The following FAT3 variants were observed in gnomAD, a reference collection of about 807,000 sequenced individuals.
FAT3 encodes the protein protocadherin Fat 3.
A neutral mutation model predicts 310.2 loss-of-function variants in FAT3; 95 were observed. That is an observed-to-expected ratio of 0.31 (90% CI 0.26 to 0.36). The LOEUF is 0.36. Ranked by LOEUF, FAT3 falls within the 10% of genes least tolerant of loss-of-function variation. FAT3 has a pLI of 1.00. For synonymous variants in FAT3, 2,314 were observed against 2,192.9 expected (o/e 1.06, Z -1.54); for missense variants, 5,408 against 5,715.6 (o/e 0.95, Z 1.74).
intron 1 of FAT3, among the ~76,000 whole-genome samples, chr11:92,346,735 C>G (rs1948432195): frequency 6.6e-6 from 1 of 152,054 alleles, no homozygotes; most frequent in South Asian, 2.1e-4. Flanking sequence ...CAATATTAGC[C>G]CCAAAGTCAC....
chr11:92,793,675 C>T (rs1332410082), intron 9 of FAT3, among the ~76,000 whole-genome samples: 3 of 152,124 alleles, frequency 2.0e-5, no homozygotes, highest in African/African-American at 7.2e-5. Context: ...CTAAAAATGA[C>T]AAATATCCTT....
At chr11:92,505,979 C>T (rs1953087595) in intron 2 of FAT3, among the ~76,000 whole-genome samples, 1 of 152,016 alleles carries the variant, frequency 6.6e-6, no homozygotes, top group South Asian at 2.1e-4. Context: ...CTATAAACAC[C>T]ATAATTAAGG....
At chr11:92,420,110 A>C (rs1046086245) in intron 2 of FAT3, among the ~76,000 whole-genome samples, 4 of 152,168 alleles carry the variant, frequency 2.6e-5, no homozygotes, top group Admixed American at 2.0e-4. Flanking sequence ...GTTTTAACGG[A>C]ACACAGGTTT....
chr11:92,519,110 G>A (rs1335136073), intron 2 of FAT3, among the ~76,000 whole-genome samples: 1 of 152,072 alleles, frequency 6.6e-6, no homozygotes, highest in Non-Finnish European at 1.5e-5. Context: ...TGTGAAAAGA[G>A]CAAAGTTGGA....
chr11:92,268,070 CT>C lies in FAT3; in HGVS notation c.-18+42897del, dbSNP rs543774427. The stretch of plus-strand genomic sequence containing the variant: ...AGTCCTTCAAAAAAAAAAAAAAAAC[CT>C]AATCAGTTCAGAGAAGGAAAAGGAG... On this transcript the variant is annotated intron_variant, in intron 1 of 27. Coordinates refer to ENST00000525166, the MANE Select transcript of FAT3 (RefSeq NM_001367949.2). Among the ~76,000 whole-genome samples, 253 of 151,186 alleles carry C rather than the reference CT, an allele frequency of 1.7e-3. 1 individual carries two copies. The highest frequency in any genetic ancestry group is 6.0e-3 in the African/African-American group (247 of 41,166).
intron 7 of FAT3, among the ~76,000 whole-genome samples, chr11:92,782,220 A>C (rs183013633): frequency 1.7e-3 from 252 of 152,246 alleles, no homozygotes; most frequent in African/African-American, 5.7e-3. Context: ...CAGCTACTCA[A>C]GTGGCTGAGG....
At chr11:92,385,660 G>A (rs746833877) in intron 2 of FAT3, among the ~76,000 whole-genome samples, 15 of 152,024 alleles carry the variant, frequency 9.9e-5, no homozygotes, top group Non-Finnish European at 1.9e-4. Context: ...CAGCCACTGC[G>A]CTTGGCTACC....
intron 3 of FAT3, among the ~76,000 whole-genome samples, chr11:92,535,240 A>G (rs1028272134): frequency 6.6e-6 from 1 of 152,116 alleles, no homozygotes; most frequent in Non-Finnish European, 1.5e-5. Flanking sequence ...CTGGAGTTAG[A>G]AGCAGAGATT....
chr11:92,391,691 GAGT>G (rs1321827158), intron 2 of FAT3, among the ~76,000 whole-genome samples: 2 of 152,174 alleles, frequency 1.3e-5, no homozygotes, highest in African/African-American at 4.8e-5. Context: ...GACAAATGTG[GAGT>G]ATGCAAATGT....
intron 5 of FAT3, among the ~76,000 whole-genome samples, chr11:92,762,858 G>T (rs187098841): frequency 2.6e-5 from 4 of 152,096 alleles, no homozygotes; most frequent in African/African-American, 9.6e-5. Context: ...CGAGCAATGA[G>T]CATGGTCCAG....
chr11:92,314,291 A>G, intron 1 of FAT3: 1 of 983,320 alleles, frequency 1.0e-6, no homozygotes, highest in Non-Finnish European at 1.2e-6. Flanking sequence ...TCAGATGAGA[A>G]CATGGAGATG....
At chr11:92,566,890 G>A (rs1955473979) in intron 3 of FAT3, among the ~76,000 whole-genome samples, 1 of 152,156 alleles carries the variant, frequency 6.6e-6, no homozygotes, top group East Asian at 1.9e-4. Context: ...ATCAATTCAA[G>A]ATGGATTAAA....
At chr11:92,385,228 G>T (rs780172316) in intron 2 of FAT3, among the ~76,000 whole-genome samples, 8 of 152,022 alleles carry the variant, frequency 5.3e-5, no homozygotes, top group Non-Finnish European at 7.4e-5. Flanking sequence ...TTTAAATTAC[G>T]GTACATCTTT....
At chr11:92,574,908 T>G (rs1674081) in intron 3 of FAT3, among the ~76,000 whole-genome samples, 112,763 of 151,988 alleles carry the variant, frequency 0.74, 44,094 homozygotes, top group Non-Finnish European at 0.88. Flanking sequence ...AACTGAGGCT[T>G]CCAGTGTTTC....
intron 1 of FAT3, chr11:92,336,401 G>A (rs1948083442): frequency 2.9e-6 from 1 of 341,306 alleles, no homozygotes; most frequent in Non-Finnish European, 5.7e-6. Flanking sequence ...TCCTGGAGAA[G>A]CTGGATTCCC....
chr11:92,766,431 C>A (rs114773038), intron 6 of FAT3, among the ~76,000 whole-genome samples: 1,709 of 152,286 alleles, frequency 0.011, 29 homozygotes, highest in African/African-American at 0.039. Flanking sequence ...CTCTCCCCCC[C>A]AGGAATGGCT....
At chr11:92,853,074 G>A (rs971221006) in intron 19 of FAT3, among the ~76,000 whole-genome samples, 3 of 152,178 alleles carry the variant, frequency 2.0e-5, no homozygotes, top group African/African-American at 7.2e-5. Flanking sequence ...GACTGCACTT[G>A]ACTCACACTA....
intron 3 of FAT3, among the ~76,000 whole-genome samples, chr11:92,622,640 C>G (rs1256098747): frequency 6.6e-6 from 1 of 152,130 alleles, no homozygotes; most frequent in Non-Finnish European, 1.5e-5. Flanking sequence ...CGTCACACAT[C>G]AGAAGTCATG....
At chr11:92,351,925 C>T (rs1411833872) in intron 1 of FAT3, among the ~76,000 whole-genome samples, 171 bp from the exon 2 acceptor site, 1 of 152,150 alleles carries the variant, frequency 6.6e-6, no homozygotes, top group East Asian at 1.9e-4. Flanking sequence ...TCTTAAGTTC[C>T]TTATTACCTA....
Sources: gnomAD v4.1 joint callset for allele counts (sites outside exome capture counted in the v4.1 genomes callset) on GRCh38, gnomAD v4.1.1 for gene constraint, MANE v1.5 for transcripts, NCBI Gene and HGNC (gene_info 2026-07-23, HGNC 2026-07-21) for gene names.